Variants in VPS13B observed in about 807,000 individuals in gnomAD.
VPS13B encodes the protein intermembrane lipid transfer protein VPS13B.
A neutral mutation model predicts 426.4 loss-of-function variants in VPS13B; 285 were observed. The observed-to-expected ratio is 0.67, with a 90% CI of 0.61 to 0.74. The LOEUF (loss-of-function observed/expected upper bound fraction) is 0.74, where lower values mean the gene tolerates loss of function less well. Ranked by LOEUF, VPS13B falls within the 30% of genes least tolerant of loss-of-function variation. The probability of loss-of-function intolerance (pLI) is 0.00; values close to 1 mark genes in which losing one functional copy is unlikely to be tolerated. For synonymous variants in VPS13B, 1,676 were observed against 1,676.4 expected, an observed-to-expected ratio of 1.00 and a Z score of 0.01; for missense variants, 4,537 against 4,782.6, an observed-to-expected ratio of 0.95 and a Z score of 1.51.
intron 21 of VPS13B, among the ~76,000 whole-genome samples, chr8:99,411,978 A>G (rs1198350980): frequency 6.6e-6 from 1 of 152,170 alleles, no homozygotes; most frequent in Non-Finnish European, 1.5e-5. Context: ...GAATTCAAGT[A>G]GTGTGATGCC....
At chr8:99,361,820 GATA>G (rs767801169) in intron 19 of VPS13B, among the ~76,000 whole-genome samples, 1 of 152,148 alleles carries the variant, frequency 6.6e-6, no homozygotes, top group South Asian at 2.1e-4. Context: ...TGATGATTAT[GATA>G]ATAATGATGG....
intron 17 of VPS13B, among the ~76,000 whole-genome samples, chr8:99,205,320 C>A (rs1458223610): frequency 3.3e-5 from 5 of 151,922 alleles, no homozygotes; most frequent in South Asian, 2.1e-4. Context: ...CACATGGACA[C>A]AGGGAGGGGA....
At chr8:99,767,449 C>G (rs553544157) in intron 40 of VPS13B, among the ~76,000 whole-genome samples, 2 of 96,844 alleles carry the variant, frequency 2.1e-5, no homozygotes, top group Non-Finnish European at 3.8e-5. Context: ...TTTTTTAAAA[C>G]TTTAAAAGAC....
chr8:99,020,164 A>T (rs1349803610), intron 2 of VPS13B, among the ~76,000 whole-genome samples: 2 of 150,886 alleles, frequency 1.3e-5, no homozygotes, highest in African/African-American at 2.4e-5. Context: ...TTTTTTTTTT[A>T]AATATAGCTA....
chr8:99,519,826 A>G (rs868065648), intron 29 of VPS13B, among the ~76,000 whole-genome samples: 1 of 151,958 alleles, frequency 6.6e-6, no homozygotes, highest in Middle Eastern at 3.4e-3. Flanking sequence ...GTGGATGGAT[A>G]GCATTAGGAG....
At chr8:99,832,704 G>A (rs1815147972) in intron 52 of VPS13B, 52 bp downstream of exon 52, 3 of 1,587,230 alleles carry the variant, frequency 1.9e-6, no homozygotes, top group Non-Finnish European at 2.6e-6. Flanking sequence ...CAGTCTAGCT[G>A]TTCATCTAGA....
intron 39 of VPS13B, among the ~76,000 whole-genome samples, chr8:99,742,228 A>T (rs1035776880): frequency 1.3e-5 from 2 of 152,246 alleles, no homozygotes; most frequent in African/African-American, 4.8e-5. Flanking sequence ...AATCTAGAAG[A>T]AATGGATAAA....
intron 17 of VPS13B, among the ~76,000 whole-genome samples, chr8:99,212,800 T>C (rs1345369286): frequency 6.6e-6 from 1 of 152,232 alleles, no homozygotes; most frequent in East Asian, 1.9e-4. Context: ...TTTCTACCAA[T>C]GTATGTAGCT....
At chr8:99,105,921 A>G (rs1444734923) in intron 5 of VPS13B, among the ~76,000 whole-genome samples, 1 of 152,208 alleles carries the variant, frequency 6.6e-6, no homozygotes, top group Non-Finnish European at 1.5e-5. Flanking sequence ...AATATACCAT[A>G]TGAAAGCTCA....
rs758239773 is a variant in VPS13B at position 99,853,688 on chromosome 8, T to C, written c.10299T>C (p.Leu3433=). ...CCGDLQLDNQ[L]YNKSNFHFAV... is the part of the protein sequence containing the mutation. Reference sequence around the variant, plus strand: ...GGGACCTGCAGCTAGACAACCAGCTTTATAACAAGTCCAATTTCCACTTTG... The same window carrying C: ...GGGACCTGCAGCTAGACAACCAGCTCTATAACAAGTCCAATTTCCACTTTG... The change falls in exon 56 of 62, where the codon CTT becomes CTC. Residue 3433 remains leucine (L), a synonymous_variant. Transcript: ENST00000357162. 6 of 1,614,224 alleles carry C rather than the reference T, an allele frequency of 3.7e-6. No individual in the cohort carries two copies. The highest frequency in any genetic ancestry group is 5.1e-6 in the Non-Finnish European group (6 of 1,180,032).
chr8:99,477,451 C>T (rs1819759553), intron 24 of VPS13B, among the ~76,000 whole-genome samples: 1 of 152,174 alleles, frequency 6.6e-6, no homozygotes, highest in Non-Finnish European at 1.5e-5. Context: ...TGAGCCAATT[C>T]TCAGAATATT....
At chr8:99,391,981 T>G (rs1461574779) in intron 21 of VPS13B, among the ~76,000 whole-genome samples, 1 of 152,216 alleles carries the variant, frequency 6.6e-6, no homozygotes, top group Non-Finnish European at 1.5e-5. Flanking sequence ...ATGCCTGCCC[T>G]ATTCTCCAGA....
At chr8:99,279,815 G>A (rs1006954605) in intron 19 of VPS13B, among the ~76,000 whole-genome samples, 1 of 152,004 alleles carries the variant, frequency 6.6e-6, no homozygotes, top group African/African-American at 2.4e-5. Flanking sequence ...TGTCGCCCAG[G>A]CTGGAGTGCA....
intron 19 of VPS13B, among the ~76,000 whole-genome samples, chr8:99,321,006 C>T (rs1809948246): frequency 6.6e-6 from 1 of 152,076 alleles, no homozygotes; most frequent in South Asian, 2.1e-4. Flanking sequence ...GATTTACCAA[C>T]AATTGTCTTT....
At chr8:99,594,413 A>G (rs977361612) in intron 33 of VPS13B, among the ~76,000 whole-genome samples, 10 of 151,962 alleles carry the variant, frequency 6.6e-5, no homozygotes, top group Non-Finnish European at 1.2e-4. Flanking sequence ...AGCATTTTCC[A>G]TAGTGATTGT....
chr8:99,447,436 A>G (rs1817977904), intron 23 of VPS13B, among the ~76,000 whole-genome samples: 1 of 152,180 alleles, frequency 6.6e-6, no homozygotes, highest in Non-Finnish European at 1.5e-5. Flanking sequence ...TATTCTAGCC[A>G]TTTGCATGCC....
chr8:99,557,982 G>A (rs192278087), intron 31 of VPS13B, among the ~76,000 whole-genome samples: 233 of 152,082 alleles, frequency 1.5e-3, no homozygotes, highest in African/African-American at 5.1e-3. Flanking sequence ...GTAACATACC[G>A]TGGTGGTTTA....
chr8:99,438,621 G>T (rs1463714745), intron 22 of VPS13B, among the ~76,000 whole-genome samples: 1 of 152,082 alleles, frequency 6.6e-6, no homozygotes, highest in African/African-American at 2.4e-5. Context: ...ACTCTGGAAA[G>T]GATGACAACC....
At chr8:99,414,631 C>T (rs1387698910) in intron 21 of VPS13B, among the ~76,000 whole-genome samples, 1 of 152,140 alleles carries the variant, frequency 6.6e-6, no homozygotes, top group African/African-American at 2.4e-5. Flanking sequence ...CAAAATTTCT[C>T]AGCATTTCCT....
Sources: gnomAD v4.1 joint callset for allele counts (sites outside exome capture counted in the v4.1 genomes callset) on GRCh38, gnomAD v4.1.1 for gene constraint, MANE v1.5 for transcripts, NCBI Gene and HGNC (gene_info 2026-07-23, HGNC 2026-07-21) for gene names.